The following DERPC variants were observed in gnomAD, a reference collection of about 807,000 sequenced individuals.
The protein encoded by DERPC is DERPC proline and glycine rich nuclear protein.
A neutral mutation model predicts 7.2 loss-of-function variants in DERPC; 1 was observed. The observed-to-expected ratio is 0.14, with a 90% CI of 0.05 to 0.66. The LOEUF (loss-of-function observed/expected upper bound fraction) is 0.66, where lower values mean the gene tolerates loss of function less well. DERPC is among the 30% of genes least tolerant of loss of function. The probability of loss-of-function intolerance (pLI) is 0.84; values close to 1 mark genes in which losing one functional copy is unlikely to be tolerated. For missense variants in DERPC, 502 were observed against 299.4 expected, an observed-to-expected ratio of 1.68 and a Z score of -4.99; for synonymous variants, 185 against 117.6, an observed-to-expected ratio of 1.57 and a Z score of -3.71.
At position 69,132,531 on chromosome 16, in the gene DERPC, A is replaced by C; in HGVS notation, c.-327T>G. On this transcript the variant is annotated 5_prime_UTR_variant, in exon 1 of 3. Transcript: ENST00000519520. Reference sequence around the variant, plus strand: ...CGGCGCCGCGCGGCCAACGGGCGACAACCGAACCTCCCGCCGCCGTCGCCG... The same window carrying C: ...CGGCGCCGCGCGGCCAACGGGCGACCACCGAACCTCCCGCCGCCGTCGCCG... 2.9e-6 allele frequency: 1 copy of C among 344,142 alleles called. No individual in the cohort carries two copies. The highest frequency in any genetic ancestry group is 5.7e-6 in the Non-Finnish European group (1 of 176,474). The allele number at this position is 344,142 out of a possible 1,614,324, so 21.3% of individuals were successfully genotyped here.
chr16:69,132,462 T>TA (rs1326032286), intron 1 of DERPC, 22 bp downstream of exon 1: 1 of 185,808 alleles, frequency 5.4e-6, no homozygotes, highest in Non-Finnish European at 1.0e-5. Flanking sequence ...CAGCCTCCCG[T>TA]GCCCCCCGCC....
At chr16:69,132,019 A>C (rs1314428241) in intron 1 of DERPC, 1 of 150,026 alleles carries the variant, frequency 6.7e-6, no homozygotes, top group African/African-American at 2.5e-5. Flanking sequence ...TTCCAGTTCT[A>C]CTCCGCTCCC....
At chr16:69,121,530 A>G in intron 1 of DERPC, 37 bp from the exon 2 acceptor site, 1 of 1,318,690 alleles carries the variant, frequency 7.6e-7, no homozygotes, top group Non-Finnish European at 1.1e-6. Context: ...GGTAATAACA[A>G]CAACAACTAA....
chr16:69,127,452 C>T (rs1005953428), intron 1 of DERPC, among the ~76,000 whole-genome samples: 2 of 152,090 alleles, frequency 1.3e-5, no homozygotes, highest in African/African-American at 4.8e-5. Context: ...TGAAAGACGA[C>T]TAGAGCAATT....
Position 69,119,616 on chromosome 16 carries a change from T to G in DERPC, c.813A>C (p.Gln271His), listed in dbSNP as rs796123800. 1.2e-5 allele frequency: 8 copies of G among 694,080 alleles called. 1 individual carries two copies. In the African/African-American group the frequency reaches 1.4e-4, roughly 12 times the overall value. The allele number at this position is 694,080 out of a possible 1,614,324, so 43.0% of individuals were successfully genotyped here. A position where few individuals can be genotyped will look rare whatever the true frequency, so the allele number is the denominator to read the frequency against. Residue 271 changes from glutamine (Q) to histidine (H), a missense_variant, in exon 3 of 3, where the codon CAA (glutamine) becomes CAC (histidine). By Grantham distance (24) the Gln-to-His change is conservative. Transcript: ENST00000519520. ...TTAGAATGGGGGCAAGATCGAGGCC[T>G]TGAGGTCCAGCCATTCTTAAGTTAA... ...SGLNLRMAGPQGLDLAPILRA... is the reference protein window; with the variant it reads ...SGLNLRMAGPHGLDLAPILRA...
intron 1 of DERPC, among the ~76,000 whole-genome samples, chr16:69,131,063 T>C (rs1309054520): frequency 1.3e-5 from 2 of 152,234 alleles, no homozygotes; most frequent in Non-Finnish European, 2.9e-5. Flanking sequence ...GACAGGTCTA[T>C]ACTTTTGAAG....
chr16:69,118,571 A>G lies in DERPC; in HGVS notation c.*283T>C, dbSNP rs1238561545. The G allele has an allele frequency of 7.9e-6, 6 of 757,558 alleles. No individual in the cohort carries two copies. Among genetic ancestry groups the G allele is most frequent in the South Asian group, 7.2e-5 (5 of 69,510 alleles). The allele number at this position is 757,558 out of a possible 1,614,324, so 46.9% of individuals were successfully genotyped here. A position where few individuals can be genotyped will look rare whatever the true frequency, so the allele number is the denominator to read the frequency against. On this transcript the variant is annotated 3_prime_UTR_variant, in exon 3 of 3. Coordinates refer to ENST00000519520, the MANE Select transcript of DERPC (RefSeq NM_001002847.4). ...ACAATTCAAGAAACTAGTAAGAAAC[A>G]ATGGGCAGAAAGCTGTGGGACGAAA...
At position 69,121,501 on chromosome 16, in the gene DERPC, G is replaced by C. The variant is rs1191493078; in HGVS notation, c.-279-8C>G. 1 of 1,526,208 alleles carries C rather than the reference G, an allele frequency of 6.6e-7. No individual in the cohort carries two copies. The highest frequency in any genetic ancestry group is 8.9e-7 in the Non-Finnish European group (1 of 1,118,856). The allele number at this position is 1,526,208 out of a possible 1,614,324, so 94.5% of individuals were successfully genotyped here. ...AAAGCAAGTGAAAACAAGCTGTAGA[G>C]AGAAAAAAAGAGATTTAGGGTAATA... On this transcript the variant is annotated splice_region_variant and splice_polypyrimidine_tract_variant and intron_variant, in intron 1 of 2. Coordinates refer to ENST00000519520, the MANE Select transcript of DERPC (RefSeq NM_001002847.4).
At chr16:69,124,111 A>G (rs999823516) in intron 1 of DERPC, among the ~76,000 whole-genome samples, 59 of 138,612 alleles carry the variant, frequency 4.3e-4, no homozygotes, top group African/African-American at 9.5e-4. Context: ...CTCAAAGGGG[A>G]AAAAAAAAAA....
chr16:69,128,704 C>T (rs1293291421), intron 1 of DERPC, among the ~76,000 whole-genome samples: 2 of 152,120 alleles, frequency 1.3e-5, no homozygotes, highest in African/African-American at 4.8e-5. Flanking sequence ...GTAATCAGAC[C>T]ACTCTAGAAT....
chr16:69,123,941 A>C (rs1035367058), intron 1 of DERPC, among the ~76,000 whole-genome samples: 33 of 140,544 alleles, frequency 2.3e-4, no homozygotes, highest in African/African-American at 6.0e-4. Context: ...AAAAAAAAAA[A>C]AAAAAACAAA....
chr16:69,130,827 A>G (rs1164277231), intron 1 of DERPC, among the ~76,000 whole-genome samples: 4 of 152,234 alleles, frequency 2.6e-5, no homozygotes, highest in African/African-American at 9.6e-5. Context: ...CGAAAGCAGC[A>G]GGTCATCAGA....
rs1961424810 is a variant in DERPC at position 69,119,259 on chromosome 16, G to A, written c.1170C>T (p.Gly390=). 1 of 702,946 alleles carries A rather than the reference G, an allele frequency of 1.4e-6. No individual in the cohort carries two copies. Among genetic ancestry groups the A allele is most frequent in the Non-Finnish European group, 2.6e-6 (1 of 385,008 alleles). The allele number at this position is 702,946 out of a possible 1,614,324, so 43.5% of individuals were successfully genotyped here. The change falls in exon 3 of 3, where the codon GGC becomes GGT. Residue 390 remains glycine (G), a synonymous_variant. Coordinates refer to ENST00000519520, the MANE Select transcript of DERPC (RefSeq NM_001002847.4). Reference sequence around the variant, plus strand: ...AAATGGTTGGATTTGAGCCCTGGAGGCCAGCGGACCTTTGGAAGGTAGCTG... The same window carrying A: ...AAATGGTTGGATTTGAGCCCTGGAGACCAGCGGACCTTTGGAAGGTAGCTG... ...SNPATFQRSA[G]LQGSNPTIFP...
intron 1 of DERPC, among the ~76,000 whole-genome samples, chr16:69,122,602 A>G (rs1305278271): frequency 6.8e-6 from 1 of 147,742 alleles, no homozygotes; most frequent in African/African-American, 2.5e-5. Flanking sequence ...GTGCAGTGGC[A>G]TGATCTCAGG....
rs1961353904 is a variant in DERPC, at chr16:69,118,599, A to C, written c.*255T>G. 2.8e-6 allele frequency: 2 copies of C among 717,894 alleles called. No individual in the cohort carries two copies. The highest frequency in any genetic ancestry group is 2.5e-6 in the Non-Finnish European group (1 of 393,244). The allele number at this position is 717,894 out of a possible 1,614,324, so 44.5% of individuals were successfully genotyped here. ...GGGCAGAAAGCTGTGGGACGAAAGC[A>C]CAGCAGGCTTCTGGGAGGCTGGAGA... On this transcript the variant is annotated 3_prime_UTR_variant, in exon 3 of 3. Transcript: ENST00000519520.
Position 69,118,655 on chromosome 16 carries a change from C to A in DERPC, c.*199G>T. The stretch of plus-strand genomic sequence containing the variant: ...TCTCTCAAGGGCAGGATTATTCCCA[C>A]CTGCCACAGTTCACATGCCACAAAT... On this transcript the variant is annotated 3_prime_UTR_variant, in exon 3 of 3. Transcript: ENST00000519520. 1 of 694,068 alleles carries A rather than the reference C, an allele frequency of 1.4e-6. No individual in the cohort carries two copies. The highest frequency in any genetic ancestry group is 1.5e-5 in the South Asian group (1 of 66,628). The allele number at this position is 694,068 out of a possible 1,614,324, so 43.0% of individuals were successfully genotyped here. A position where few individuals can be genotyped will look rare whatever the true frequency, so the allele number is the denominator to read the frequency against.
chr16:69,118,416 C>A lies in DERPC; in HGVS notation c.*438G>T, dbSNP rs113161750. ...GTCCAAGCTGCCCAGGTCAGAGCTA[C>A]GGAAGCATGGTCCGTTCACCAACGC... On this transcript the variant is annotated 3_prime_UTR_variant, in exon 3 of 3. Transcript: ENST00000519520. The A allele has an allele frequency of 4.3e-6, 7 of 1,613,466 alleles. No homozygotes were observed. The highest frequency in any genetic ancestry group is 5.9e-6 in the Non-Finnish European group (7 of 1,179,408).
intron 1 of DERPC, among the ~76,000 whole-genome samples, chr16:69,123,256 A>T (rs569288843): frequency 5.9e-5 from 9 of 152,256 alleles, no homozygotes; most frequent in East Asian, 3.9e-4. Flanking sequence ...CATGTTTCTT[A>T]AAAAAGCCTA....
chr16:69,126,990 T>C (rs761290438), intron 1 of DERPC, among the ~76,000 whole-genome samples: 3 of 152,192 alleles, frequency 2.0e-5, no homozygotes, highest in Non-Finnish European at 2.9e-5. Flanking sequence ...CTCATGCCTG[T>C]AATCTCAGCA....
Sources: gnomAD v4.1 joint callset for allele counts (sites outside exome capture counted in the v4.1 genomes callset) on GRCh38, gnomAD v4.1.1 for gene constraint, MANE v1.5 for transcripts, NCBI Gene and HGNC (gene_info 2026-07-23, HGNC 2026-07-21) for gene names.